Variants in NFXL1 observed in about 807,000 individuals in gnomAD.
NFXL1 encodes the protein nuclear transcription factor, X-box binding like 1, also known as NF-X1-type zinc finger protein NFXL1.
In NFXL1, 66 loss-of-function variants were observed where a neutral mutation model predicts 123.3. The observed-to-expected ratio is 0.54, with a 90% CI of 0.44 to 0.66. The LOEUF (loss-of-function observed/expected upper bound fraction) is 0.66. Among genes scored for constraint, NFXL1 ranks in the 30% least tolerant of loss-of-function variants. The pLI is 0.00. For missense variants in NFXL1, 944 were observed against 1,125.6 expected (o/e 0.84, Z 2.31); for synonymous variants, 346 against 360.8 (o/e 0.96, Z 0.46).
chr4:47,870,627 G>A (rs972509894), intron 18 of NFXL1, among the ~76,000 whole-genome samples: 2 of 151,824 alleles, frequency 1.3e-5, no homozygotes, highest in South Asian at 2.1e-4. Flanking sequence ...TGCAAAGGAC[G>A]TCAACAGCCA....
At chr4:47,896,265 T>C (rs1011739216) in intron 10 of NFXL1, among the ~76,000 whole-genome samples, 12 of 152,222 alleles carry the variant, frequency 7.9e-5, no homozygotes, top group Admixed American at 7.9e-4. Context: ...GCTGAAAGAC[T>C]TGTTTTACAA....
chr4:47,884,432 C>T lies in NFXL1; in HGVS notation c.1830G>A (p.Gln610=), dbSNP rs139513162. 7.5e-6 allele frequency: 12 copies of T among 1,595,128 alleles called. No individual in the cohort carries two copies. In the African/African-American group the frequency reaches 1.3e-4, roughly 18 times the overall value. The part of the protein sequence containing the change: ...QALIKQTGRH[Q]PTGPWEQPSE... ...AAGGCTGTTCCCAAGGGCCTGTAGG[C>T]TGGTGCTACAAATAAAATACATAAG... The change falls in exon 15 of 23, where the codon CAG becomes CAA. Residue 610 remains glutamine, a synonymous_variant. Transcript: ENST00000507489.
intron 20 of NFXL1, among the ~76,000 whole-genome samples, chr4:47,852,697 G>A (rs767654998): frequency 3.3e-5 from 5 of 151,996 alleles, no homozygotes; most frequent in African/African-American, 7.2e-5. Flanking sequence ...AGAATAAAAC[G>A]ATGACCTACT....
chr4:47,912,857 C>G (rs1345407522), intron 2 of NFXL1, among the ~76,000 whole-genome samples: 2 of 146,964 alleles, frequency 1.4e-5, no homozygotes, highest in African/African-American at 5.0e-5. Context: ...GAACAAAAAA[C>G]AAAACATTAG....
At chr4:47,868,097 C>T (rs2110054261) in intron 18 of NFXL1, among the ~76,000 whole-genome samples, 2 of 152,206 alleles carry the variant, frequency 1.3e-5, no homozygotes, top group African/African-American at 4.8e-5. Context: ...GGGTGGATCA[C>T]GAGGTCAGGA....
chr4:47,893,719 T>C (rs373508367), intron 11 of NFXL1, among the ~76,000 whole-genome samples: 1 of 150,864 alleles, frequency 6.6e-6, no homozygotes, highest in Non-Finnish European at 1.5e-5. Flanking sequence ...AAAAATGAAA[T>C]GTGATGGAAA....
chr4:47,868,297 T>A, intron 18 of NFXL1, among the ~76,000 whole-genome samples: 1 of 146,150 alleles, frequency 6.8e-6, no homozygotes. Context: ...CCAGCCTGGG[T>A]GACAGAGCGA....
rs370274330 is a variant in NFXL1 at position 47,848,072 on chromosome 4, AT to A, written c.*90del. ...AATACAGAGATGAATGTAAATATATATCATGTTCTATAATATACATTTTCTA... is the reference window on the plus strand; with the variant it reads ...AATACAGAGATGAATGTAAATATATACATGTTCTATAATATACATTTTCTA... On this transcript the variant is annotated 3_prime_UTR_variant, in exon 23 of 23. Coordinates refer to ENST00000507489, the MANE Select transcript of NFXL1 (RefSeq NM_001278624.2). The A allele has an allele frequency of 3.4e-4, 256 of 758,680 alleles. 5 individuals carry two copies. The East Asian group carries it at 5.4e-3, about 16-fold the overall frequency. 47.0% of individuals were successfully genotyped at this position (758,680 alleles called of 1,614,324 possible).
chr4:47,862,928 A>C lies in NFXL1; in HGVS notation c.2247-13T>G. Reference sequence around the variant, plus strand: ...TGTGGTTATTTTTCTAAAAATAAGAAAGTTGATGACATTCAAACAAAAATC... The same window carrying C: ...TGTGGTTATTTTTCTAAAAATAAGACAGTTGATGACATTCAAACAAAAATC... On this transcript the variant is annotated splice_polypyrimidine_tract_variant and intron_variant, in intron 18 of 22. Transcript: ENST00000507489. 6.8e-7 allele frequency: 1 copy of C among 1,479,506 alleles called. No homozygotes were observed. The highest frequency in any genetic ancestry group is 9.2e-7 in the Non-Finnish European group (1 of 1,086,970). The allele number at this position is 1,479,506 out of a possible 1,614,324, so 91.6% of individuals were successfully genotyped here. A position where few individuals can be genotyped will look rare whatever the true frequency, so the allele number is the denominator to read the frequency against.
chr4:47,876,588 T>C (rs1247413621), intron 17 of NFXL1, among the ~76,000 whole-genome samples: 1 of 152,134 alleles, frequency 6.6e-6, no homozygotes, highest in Non-Finnish European at 1.5e-5. Flanking sequence ...TACAGGCCAT[T>C]GAAAAGGATT....
intron 5 of NFXL1, among the ~76,000 whole-genome samples, chr4:47,901,838 A>T (rs1737367614): frequency 6.6e-6 from 1 of 152,158 alleles, no homozygotes; most frequent in African/African-American, 2.4e-5. Flanking sequence ...GCTGAGAATT[A>T]TTTTTACATA....
intron 15 of NFXL1, among the ~76,000 whole-genome samples, chr4:47,883,198 T>C (rs903084208): frequency 1.3e-5 from 2 of 151,964 alleles, no homozygotes; most frequent in South Asian, 4.2e-4. Flanking sequence ...TGAGCCGACA[T>C]TGAACCACTG....
chr4:47,898,678 A>T (rs1367136588), intron 8 of NFXL1, 79 bp downstream of exon 8: 1 of 928,152 alleles, frequency 1.1e-6, no homozygotes, highest in Non-Finnish European at 1.8e-6. Context: ...ACTAAACCTG[A>T]TTAGCCTTGC....
chr4:47,881,364 A>C (rs1736106035), intron 15 of NFXL1, among the ~76,000 whole-genome samples: 1 of 152,172 alleles, frequency 6.6e-6, no homozygotes, highest in South Asian at 2.1e-4. Flanking sequence ...TAAAATCCAA[A>C]ACACTGACAA....
chr4:47,880,745 A>C (rs1324518340), intron 15 of NFXL1, among the ~76,000 whole-genome samples: 1 of 144,872 alleles, frequency 6.9e-6, no homozygotes, highest in Non-Finnish European at 1.5e-5. Context: ...TGATGTTACT[A>C]TTGGATTCTT....
At chr4:47,856,237 A>G (rs919356678) in intron 19 of NFXL1, among the ~76,000 whole-genome samples, 1 of 152,166 alleles carries the variant, frequency 6.6e-6, no homozygotes, top group Non-Finnish European at 1.5e-5. Context: ...AAAATTTCAC[A>G]TGTAAAAGAG....
At chr4:47,851,227 G>T (rs1734101055) in intron 21 of NFXL1, 79 bp from the exon 22 acceptor site, 4 of 996,456 alleles carry the variant, frequency 4.0e-6, no homozygotes, top group Non-Finnish European at 6.3e-6. Context: ...ACCCATCCAG[G>T]TTCTATTAAC....
chr4:47,893,483 C>G (rs1339867183), intron 11 of NFXL1, among the ~76,000 whole-genome samples: 1 of 151,912 alleles, frequency 6.6e-6, no homozygotes, highest in African/African-American at 2.4e-5. Flanking sequence ...TACAGAGGAA[C>G]AGATACAACA....
intron 2 of NFXL1, among the ~76,000 whole-genome samples, chr4:47,911,446 G>A (rs1057189729): frequency 2.6e-5 from 4 of 152,120 alleles, no homozygotes; most frequent in African/African-American, 9.7e-5. Context: ...TGAACAACAG[G>A]TAGGATAGGA....
Sources: allele counts gnomAD v4.1 joint callset (sites outside exome capture counted in the v4.1 genomes callset), GRCh38; gene constraint gnomAD v4.1.1; transcripts MANE v1.5; gene names NCBI Gene and HGNC (gene_info 2026-07-23, HGNC 2026-07-21).